Variants in TGS1 observed in about 807,000 individuals in gnomAD.
TGS1 encodes trimethylguanosine synthase.
A neutral mutation model predicts 92.2 loss-of-function variants in TGS1; 69 were observed. That is an observed-to-expected ratio of 0.75 (90% CI 0.62 to 0.91). TGS1 has a LOEUF of 0.91. TGS1 is among the 40% of genes least tolerant of loss of function. The pLI is 0.00. For synonymous variants in TGS1, 345 were observed against 338.1 expected, an observed-to-expected ratio of 1.02 and a Z score of -0.22; for missense variants, 1,062 against 1,001.2, an observed-to-expected ratio of 1.06 and a Z score of -0.82.
intron 1 of TGS1, 26 bp downstream of exon 1, chr8:55,773,745 T>A: frequency 6.4e-7 from 1 of 1,566,936 alleles, no homozygotes. Flanking sequence ...AATCTCTTCA[T>A]GTTCTAGCAC....
At chr8:55,792,211 A>G (rs1264530686) in intron 5 of TGS1, among the ~76,000 whole-genome samples, 5 of 152,230 alleles carry the variant, frequency 3.3e-5, no homozygotes, top group Non-Finnish European at 2.9e-5. Flanking sequence ...GATCTCTAGT[A>G]GGTGGATTCT....
chr8:55,822,322 G>A (rs1415671446), intron 12 of TGS1, among the ~76,000 whole-genome samples: 1 of 151,866 alleles, frequency 6.6e-6, no homozygotes, highest in Non-Finnish European at 1.5e-5. Context: ...CACCCTCCTC[G>A]ACCTCCCAAA....
In TGS1 at chr8:55,808,253, T is replaced by C. The variant is rs1458431887; in HGVS notation, c.2144-2628T>C. ...GAGTAGTGGTTATTTTCCTTTTTCC[T>C]TGAATTCACTATTTACTATCAAAGT... On this transcript the variant is annotated intron_variant, in intron 10 of 12. Coordinates refer to ENST00000260129, the MANE Select transcript of TGS1 (RefSeq NM_024831.8). Among the ~76,000 whole-genome samples the C allele has an allele frequency of 2.6e-5, 4 of 152,222 alleles. No homozygotes were observed. In the East Asian group the frequency reaches 7.7e-4, roughly 29 times the overall value.
intron 8 of TGS1, 76 bp downstream of exon 8, chr8:55,799,296 T>C: frequency 7.3e-7 from 1 of 1,367,418 alleles, no homozygotes; most frequent in Non-Finnish European, 9.7e-7. Flanking sequence ...TTCTTAGTTT[T>C]CACTTGTGAA....
intron 10 of TGS1, among the ~76,000 whole-genome samples, chr8:55,808,833 C>T (rs1336253049): frequency 1.3e-5 from 2 of 151,998 alleles, no homozygotes; most frequent in African/African-American, 4.8e-5. Flanking sequence ...CATAATTTGC[C>T]CCCCAAACCA....
At chr8:55,774,001 T>C (rs1281259338) in intron 1 of TGS1, among the ~76,000 whole-genome samples, 1 of 152,150 alleles carries the variant, frequency 6.6e-6, no homozygotes, top group Admixed American at 6.5e-5. Context: ...CATTTAAAAA[T>C]TGGGGGAAAG....
chr8:55,807,864 G>A (rs1349270218), intron 10 of TGS1, among the ~76,000 whole-genome samples: 6 of 152,096 alleles, frequency 3.9e-5, no homozygotes, highest in African/African-American at 9.7e-5. Flanking sequence ...TCATTCTGAA[G>A]ATGCATATTT....
rs759770701 is a variant in TGS1, at chr8:55,798,987, A to G, written c.1616A>G (p.Asn539Ser). ...EASQESSSHDNVHDASTSSDS... is the reference protein window; with the variant it reads ...EASQESSSHDSVHDASTSSDS... ...TCACAGGAATCATCTTCTCATGACA[A>G]TGTGCACGACGCTTCCACAAGTAGT... The change falls in exon 8 of 13, where the codon AAT (asparagine) becomes AGT (serine). Residue 539 changes from asparagine (N) to serine (S), a missense_variant. Physicochemically the swap from Asn to Ser is conservative, Grantham distance 46 (BLOSUM62 1). Transcript: ENST00000260129. 2.0e-5 allele frequency: 32 copies of G among 1,613,988 alleles called. No homozygotes were observed. Among genetic ancestry groups the G allele is most frequent in the Admixed American group, 1.3e-4 (8 of 60,002 alleles).
At chr8:55,818,441 C>T (rs1803543946) in intron 12 of TGS1, among the ~76,000 whole-genome samples, 1 of 152,198 alleles carries the variant, frequency 6.6e-6, no homozygotes, top group South Asian at 2.1e-4. Flanking sequence ...CCACCACGCC[C>T]AGCCTGATTC....
intron 7 of TGS1, among the ~76,000 whole-genome samples, chr8:55,798,018 T>C (rs1563459543): frequency 1.3e-5 from 2 of 152,216 alleles, no homozygotes; most frequent in Non-Finnish European, 2.9e-5. Flanking sequence ...CTAGTATTAG[T>C]CCAGTCAGTG....
rs778284102 is a variant in TGS1, at chr8:55,802,569, C to T, written c.1962C>T (p.Leu654=). Residue 654 remains leucine, a synonymous_variant, in exon 9 of 13, where the codon CTC becomes CTT. Transcript: ENST00000260129. The part of the protein sequence containing the change: ...LAKYWAQRYR[L]FSRFDDGIKL... ...AATACTGGGCCCAGAGGTACAGGCTCTTCTCCCGTTTTGATGATGGGATTA... is the reference window on the plus strand; with the variant it reads ...AATACTGGGCCCAGAGGTACAGGCTTTTCTCCCGTTTTGATGATGGGATTA... 2 of 1,613,964 alleles carry T rather than the reference C, an allele frequency of 1.2e-6. No individual in the cohort carries two copies. Among genetic ancestry groups the T allele is most frequent in the South Asian group, 1.1e-5 (1 of 91,020 alleles).
chr8:55,820,163 T>A (rs1258126727), intron 12 of TGS1, among the ~76,000 whole-genome samples: 1 of 152,196 alleles, frequency 6.6e-6, no homozygotes, highest in Non-Finnish European at 1.5e-5. Flanking sequence ...GTAATTATTA[T>A]CTATTCTTCC....
At chr8:55,791,269 C>T (rs1811879451) in intron 5 of TGS1, among the ~76,000 whole-genome samples, 1 of 152,160 alleles carries the variant, frequency 6.6e-6, no homozygotes, top group Non-Finnish European at 1.5e-5. Flanking sequence ...CCAGGGAAGG[C>T]CATGAAAGAC....
At chr8:55,785,660 A>G (rs1457189950) in intron 2 of TGS1, 59 bp from the exon 3 acceptor site, 2 of 1,285,754 alleles carry the variant, frequency 1.6e-6, no homozygotes, top group East Asian at 2.6e-5. Flanking sequence ...TTAAATGAGA[A>G]TAAGAAAACC....
At chr8:55,776,087 C>T (rs779318285) in intron 1 of TGS1, among the ~76,000 whole-genome samples, 12 of 152,054 alleles carry the variant, frequency 7.9e-5, no homozygotes, top group Non-Finnish European at 1.5e-4. Flanking sequence ...CCAGGAGCAT[C>T]GGCAAGACTC....
intron 12 of TGS1, among the ~76,000 whole-genome samples, chr8:55,813,590 A>G (rs986941775): frequency 6.6e-6 from 1 of 152,164 alleles, no homozygotes; most frequent in Non-Finnish European, 1.5e-5. Flanking sequence ...ATTTCACTGT[A>G]ATGTTGCTAA....
At chr8:55,808,545 G>C (rs1803246857) in intron 10 of TGS1, among the ~76,000 whole-genome samples, 1 of 135,118 alleles carries the variant, frequency 7.4e-6, no homozygotes. Context: ...GTCTCACTCT[G>C]TCGCCCAGGT....
At chr8:55,774,571 T>C (rs1413087900) in intron 1 of TGS1, among the ~76,000 whole-genome samples, 1 of 152,196 alleles carries the variant, frequency 6.6e-6, no homozygotes, top group African/African-American at 2.4e-5. Context: ...GCCTTTTTAG[T>C]CAGGCATGCA....
intron 12 of TGS1, among the ~76,000 whole-genome samples, chr8:55,824,095 G>A (rs7009837): frequency 0.68 from 103,599 of 151,960 alleles, 35,387 homozygotes; most frequent in Admixed American, 0.7. Flanking sequence ...CAGCCTGGGC[G>A]ACAGAGTAGG....
Sources: gnomAD v4.1 joint callset for allele counts (sites outside exome capture counted in the v4.1 genomes callset) on GRCh38, gnomAD v4.1.1 for gene constraint, MANE v1.5 for transcripts, NCBI Gene and HGNC (gene_info 2026-07-23, HGNC 2026-07-21) for gene names.